Variants in HYAL2 observed in about 807,000 individuals in gnomAD.
The protein encoded by HYAL2 is hyaluronidase-2.
Under a neutral mutation model 35.4 loss-of-function variants are expected in HYAL2, and 30 were observed. The ratio of observed to expected loss-of-function variants is 0.85; its 90% CI spans 0.63 to 1.15. HYAL2 has a LOEUF of 1.15. HYAL2 is among the 50% of genes most tolerant of loss of function. The probability of loss-of-function intolerance (pLI) is 0.00; values close to 1 mark genes in which losing one functional copy is unlikely to be tolerated. For missense variants in HYAL2, 635 were observed against 646.5 expected (o/e 0.98, Z 0.19); for synonymous variants, 262 against 252.8 (o/e 1.04, Z -0.34).
Position 50,318,913 on chromosome 3 carries a change from T to A in HYAL2, c.1011+43A>T. ...GGTAGCCAAAGGCCCTAACTCTCTGTCTGTCCCATAGACTGAGCTCTGGCA... is the reference window on the plus strand; with the variant it reads ...GGTAGCCAAAGGCCCTAACTCTCTGACTGTCCCATAGACTGAGCTCTGGCA... On this transcript the variant is annotated intron_variant, in intron 3 of 3. Coordinates refer to ENST00000357750, the MANE Select transcript of HYAL2 (RefSeq NM_003773.5). The surrounding 1 kb of genome is among the most constrained non-coding windows in gnomAD (Gnocchi z 4.5). 1 of 1,547,670 alleles carries A rather than the reference T, an allele frequency of 6.5e-7. No individual in the cohort carries two copies. The highest frequency in any genetic ancestry group is 1.4e-5 in the African/African-American group (1 of 73,688).
At position 50,322,410 on chromosome 3, in the gene HYAL2, G is replaced by A; in HGVS notation, c.-47+243C>T. On this transcript the variant is annotated intron_variant, in intron 1 of 3. Coordinates refer to ENST00000357750, the MANE Select transcript of HYAL2 (RefSeq NM_003773.5). The surrounding 1 kb of genome is among the most constrained non-coding windows in gnomAD (Gnocchi z 5.5). ...AGGGGTCTCCCAGGGCCTCCATCCC[G>A]TATCCAGCGCCCCCTACGCTCCACA... The A allele has an allele frequency of 6.6e-6, 1 of 152,126 alleles. No homozygotes were observed. The highest frequency in any genetic ancestry group is 1.5e-5 in the Non-Finnish European group (1 of 68,114). The allele number at this position is 152,126 out of a possible 1,614,324, so 9.4% of individuals were successfully genotyped here.
Position 50,322,402 on chromosome 3 carries a change from T to A in HYAL2, c.-47+251A>T, listed in dbSNP as rs587678265. The stretch of plus-strand genomic sequence containing the variant: ...CCAGCAAGAGGGGTCTCCCAGGGCC[T>A]CCATCCCGTATCCAGCGCCCCCTAC... On this transcript the variant is annotated intron_variant, in intron 1 of 3. Transcript: ENST00000357750. The surrounding 1 kb of genome is among the most constrained non-coding windows in gnomAD (Gnocchi z 5.5). 6.6e-6 allele frequency: 1 copy of A among 150,722 alleles called. No homozygotes were observed. The highest frequency in any genetic ancestry group is 1.5e-5 in the Non-Finnish European group (1 of 67,826). The allele number at this position is 150,722 out of a possible 1,614,324, so 9.3% of individuals were successfully genotyped here. A position where few individuals can be genotyped will look rare whatever the true frequency, so the allele number is the denominator to read the frequency against.
chr3:50,319,832 A>T lies in HYAL2; in HGVS notation c.658T>A (p.Trp220Arg). Residue 220 changes from tryptophan (W) to arginine (R), a missense_variant, in exon 2 of 4, where the codon TGG (tryptophan) becomes AGG (arginine). Trp to Arg is a moderately radical substitution (Grantham distance 101, BLOSUM62 -3). Coordinates refer to ENST00000357750, the MANE Select transcript of HYAL2 (RefSeq NM_003773.5). ...DCYNHDYVQN[W>R]ESYTGRCPDV... ...GGGCAGCGGCCTGTGTAGCTCTCCC[A>T]GTTCTGCACATAATCATGATTGTAG... is the stretch of plus-strand genomic sequence containing the variant. 2 of 1,613,672 alleles carry T rather than the reference A, an allele frequency of 1.2e-6. No individual in the cohort carries two copies. The highest frequency in any genetic ancestry group is 1.7e-6 in the Non-Finnish European group (2 of 1,179,996).
rs142709766 is a variant in HYAL2 at position 50,320,192 on chromosome 3, C to T, written c.298G>A (p.Val100Met). ...DSAGRSVHGG[V>M]PQNVSLWAHR... is the part of the protein sequence containing the mutation. ...GCCCAAAGGCTGACATTCTGTGGCA[C>T]ACCACCATGCACAGACCTTCCGGCA... Residue 100 changes from valine (V) to methionine (M), a missense_variant, in exon 2 of 4, where the codon GTG (valine) becomes ATG (methionine). Transcript: ENST00000357750. The surrounding 1 kb of genome is among the most constrained non-coding windows in gnomAD (Gnocchi z 4.8). The T allele has an allele frequency of 1.2e-6, 2 of 1,613,958 alleles. No individual in the cohort carries two copies. Among genetic ancestry groups the T allele is most frequent in the East Asian group, 2.2e-5 (1 of 44,892 alleles).
In HYAL2 at chr3:50,320,262, G is replaced by T; in HGVS notation, c.228C>A (p.Thr76=). ...PNEGFVNQNI[T]IFYRDRLGLY... The stretch of plus-strand genomic sequence containing the variant: ...GGCCTAGACGGTCGCGGTAGAAGAT[G>T]GTAATATTCTGGTTCACAAAACCCT... Residue 76 remains threonine, a synonymous_variant, in exon 2 of 4, where the codon ACC becomes ACA. Coordinates refer to ENST00000357750, the MANE Select transcript of HYAL2 (RefSeq NM_003773.5). The surrounding 1 kb of genome is among the most constrained non-coding windows in gnomAD (Gnocchi z 4.8). The T allele has an allele frequency of 6.2e-7, 1 of 1,614,058 alleles. No homozygotes were observed. Among genetic ancestry groups the T allele is most frequent in the Non-Finnish European group, 8.5e-7 (1 of 1,180,024 alleles).
intron 2 of HYAL2, 96 bp downstream of exon 2, chr3:50,319,473 A>G (rs1318602326): frequency 9.5e-7 from 1 of 1,053,434 alleles, no homozygotes; most frequent in Non-Finnish European, 1.4e-6. Flanking sequence ...GCAGCCAATA[A>G]ACTACAGGTA....
chr3:50,318,336 G>A lies in HYAL2; in HGVS notation c.1215C>T (p.Pro405=). 1 of 1,613,484 alleles carries A rather than the reference G, an allele frequency of 6.2e-7. No individual in the cohort carries two copies. The highest frequency in any genetic ancestry group is 8.5e-7 in the Non-Finnish European group (1 of 1,180,034). ...RLVPGHAPGE[P]QLRPVGELSW... is the part of the protein sequence containing the mutation. ...TGAGCTCCCCCACAGGTCGCAGCTG[G>A]GGTTCACCAGGTGCATGGCCAGGCA... The change falls in exon 4 of 4, where the codon CCC becomes CCT. Residue 405 remains proline (P), a synonymous_variant. Coordinates refer to ENST00000357750, the MANE Select transcript of HYAL2 (RefSeq NM_003773.5). The surrounding 1 kb of genome is among the most constrained non-coding windows in gnomAD (Gnocchi z 4.5).
rs782445301 is a variant in HYAL2, at chr3:50,318,500, G to A, written c.1051C>T (p.Leu351=). Residue 351 remains leucine (L), a synonymous_variant, in exon 4 of 4, where the codon CTG becomes TTG. Coordinates refer to ENST00000357750, the MANE Select transcript of HYAL2 (RefSeq NM_003773.5). This position sits in a 1 kb window ranked among gnomAD's most constrained non-coding sequence, Gnocchi z 4.5. ...QYLKDYLTRL[L]VPYVVNVSWA... The stretch of plus-strand genomic sequence containing the variant: ...GACACATTGACCACGTAGGGGACCA[G>A]CAGCCGTGTCAGGTAATCTTTGAGG... 6.2e-7 allele frequency: 1 copy of A among 1,610,414 alleles called. No individual in the cohort carries two copies.
At chr3:50,321,666 C>G (rs990520383) in intron 1 of HYAL2, 3 of 152,168 alleles carry the variant, frequency 2.0e-5, no homozygotes, top group Admixed American at 2.0e-4. Flanking sequence ...CCCTCTGAGC[C>G]GGGCTTTCTA....
chr3:50,319,759 T>C lies in HYAL2; in HGVS notation c.731A>G (p.Glu244Gly). 6.2e-7 allele frequency: 1 copy of C among 1,613,758 alleles called. No individual in the cohort carries two copies. Among genetic ancestry groups the C allele is most frequent in the Non-Finnish European group, 8.5e-7 (1 of 1,180,036 alleles). ...GACAGACGGGAAGAGGGCCGTGCTC[T>C]CAGCCCACAGCCAGGCCAGCTGGTC... ...RNDQLAWLWAESTALFPSVYL... is the reference protein window; with the variant it reads ...RNDQLAWLWAGSTALFPSVYL... The change falls in exon 2 of 4, where the codon GAG becomes GGG. Residue 244 changes from glutamate to glycine, a missense_variant. Glu to Gly is a moderately conservative substitution (Grantham distance 98). Transcript: ENST00000357750.
rs782567680 is a variant in HYAL2 at position 50,320,412 on chromosome 3, T to C, written c.78A>G (p.Thr26=). ...GCCGGCCAGTGAAGATGGGTGGTGC[T>C]GTGGGCTTGAGCTCCATGGCCCATG... ...AVSWAMELKP[T]APPIFTGRPF... Residue 26 remains threonine (T), a synonymous_variant, in exon 2 of 4, where the codon ACA becomes ACG. Coordinates refer to ENST00000357750, the MANE Select transcript of HYAL2 (RefSeq NM_003773.5). This position sits in a 1 kb window ranked among gnomAD's most constrained non-coding sequence, Gnocchi z 4.8. 4.4e-6 allele frequency: 7 copies of C among 1,606,918 alleles called. No individual in the cohort carries two copies. The highest frequency in any genetic ancestry group is 6.0e-6 in the Non-Finnish European group (7 of 1,175,966).
In HYAL2 at chr3:50,320,237, G is replaced by A. The variant is rs782734183; in HGVS notation, c.253C>T (p.Leu85=). The A allele has an allele frequency of 6.8e-6, 11 of 1,614,036 alleles. 1 individual carries two copies. In the South Asian group the frequency reaches 9.9e-5, roughly 14 times the overall value. ...CCGGCAGAATCGAAGCGTGGATACA[G>A]GCCTAGACGGTCGCGGTAGAAGATG... ...ITIFYRDRLG[L]YPRFDSAGRS... The change falls in exon 2 of 4, where the codon CTG becomes TTG. Residue 85 remains leucine (L), a synonymous_variant. Coordinates refer to ENST00000357750, the MANE Select transcript of HYAL2 (RefSeq NM_003773.5). The surrounding 1 kb of genome is among the most constrained non-coding windows in gnomAD (Gnocchi z 4.8).
In HYAL2 at chr3:50,318,890, T is replaced by A. The variant is rs587768394; in HGVS notation, c.1011+66A>T. 1 of 1,399,352 alleles carries A rather than the reference T, an allele frequency of 7.1e-7. No individual in the cohort carries two copies. 86.7% of individuals were successfully genotyped at this position (1,399,352 alleles called of 1,614,324 possible). Reference sequence around the variant, plus strand: ...ACTAGGATTGCCCACCTGAGGTTGGTAGCCAAAGGCCCTAACTCTCTGTCT... The same window carrying A: ...ACTAGGATTGCCCACCTGAGGTTGGAAGCCAAAGGCCCTAACTCTCTGTCT... On this transcript the variant is annotated intron_variant, in intron 3 of 3. Transcript: ENST00000357750. The surrounding 1 kb of genome is among the most constrained non-coding windows in gnomAD (Gnocchi z 4.5).
Position 50,318,076 on chromosome 3 carries a change from A to G in HYAL2, c.*53T>C. 1 of 1,515,820 alleles carries G rather than the reference A, an allele frequency of 6.6e-7. No homozygotes were observed. Among genetic ancestry groups the G allele is most frequent in the Non-Finnish European group, 8.8e-7 (1 of 1,130,554 alleles). 93.9% of individuals were successfully genotyped at this position (1,515,820 alleles called of 1,614,324 possible). A position where few individuals can be genotyped will look rare whatever the true frequency, so the allele number is the denominator to read the frequency against. ...ACCCCCTGCAGGGTCCTACATGCCT[A>G]AGAGAGCCCTTGTGGTAGAGGCCAG... On this transcript the variant is annotated 3_prime_UTR_variant, in exon 4 of 4. Transcript: ENST00000357750. The surrounding 1 kb of genome is among the most constrained non-coding windows in gnomAD (Gnocchi z 4.5).
At chr3:50,321,702 T>G (rs1222467914) in intron 1 of HYAL2, 1 of 151,526 alleles carries the variant, frequency 6.6e-6, no homozygotes, top group Non-Finnish European at 1.5e-5. Flanking sequence ...CGAGCGCCAG[T>G]CAGCCTGAAA....
chr3:50,321,490 ACGCTGGCC>A (rs1390346512), intron 1 of HYAL2: 3 of 151,966 alleles, frequency 2.0e-5, no homozygotes, highest in African/African-American at 7.3e-5. Context: ...GCCCCCAGGC[ACGCTGGCC>A]CTTTAAGACT....
Position 50,318,035 on chromosome 3 carries a change from A to C in HYAL2, c.*94T>G, listed in dbSNP as rs895139240. 2.2e-5 allele frequency: 31 copies of C among 1,379,686 alleles called. No homozygotes were observed. The highest frequency in any genetic ancestry group is 4.7e-5 in the Admixed American group (2 of 42,876). The allele number at this position is 1,379,686 out of a possible 1,614,324, so 85.5% of individuals were successfully genotyped here. A position where few individuals can be genotyped will look rare whatever the true frequency, so the allele number is the denominator to read the frequency against. ...GCTTCCTGGGGGCTCTGCCCACTCC[A>C]GACTCCAGTTTGTCCACCCCCTGCA... On this transcript the variant is annotated 3_prime_UTR_variant, in exon 4 of 4. Coordinates refer to ENST00000357750, the MANE Select transcript of HYAL2 (RefSeq NM_003773.5). This position sits in a 1 kb window ranked among gnomAD's most constrained non-coding sequence, Gnocchi z 4.5.
chr3:50,318,401 T>G lies in HYAL2; in HGVS notation c.1150A>C (p.Ser384Arg). The change falls in exon 4 of 4, where the codon AGT becomes CGT. Residue 384 changes from serine (S) to arginine (R), a missense_variant. By Grantham distance (110) the Ser-to-Arg change is moderately radical. Coordinates refer to ENST00000357750, the MANE Select transcript of HYAL2 (RefSeq NM_003773.5). This position sits in a 1 kb window ranked among gnomAD's most constrained non-coding sequence, Gnocchi z 4.5. ...GRCVRRNPSA[S>R]TFLHLSTNSF... ...TTGGTGCTGAGATGCAGGAAGGTAC[T>G]GGCACTGGGGTTGCGGCGCACACAG... The G allele has an allele frequency of 6.2e-7, 1 of 1,613,316 alleles. No homozygotes were observed. Among genetic ancestry groups the G allele is most frequent in the African/African-American group, 1.3e-5 (1 of 75,072 alleles).
At position 50,318,691 on chromosome 3, in the gene HYAL2, T is replaced by A; in HGVS notation, c.1012-152A>T. ...TGCACCTGAGCCACACAGTCCCTGCTCCTGCTGAGAAGTGGGTGGGGGTAC... is the reference window on the plus strand; with the variant it reads ...TGCACCTGAGCCACACAGTCCCTGCACCTGCTGAGAAGTGGGTGGGGGTAC... On this transcript the variant is annotated intron_variant, in intron 3 of 3. Coordinates refer to ENST00000357750, the MANE Select transcript of HYAL2 (RefSeq NM_003773.5). This position sits in a 1 kb window ranked among gnomAD's most constrained non-coding sequence, Gnocchi z 4.5. The A allele has an allele frequency of 1.2e-6, 1 of 817,626 alleles. No individual in the cohort carries two copies. Among genetic ancestry groups the A allele is most frequent in the Non-Finnish European group, 1.9e-6 (1 of 528,784 alleles). The allele number at this position is 817,626 out of a possible 1,614,324, so 50.6% of individuals were successfully genotyped here.
Sources: gnomAD v4.1 joint callset for allele counts on GRCh38, gnomAD v4.1.1 for gene constraint, Gnocchi (gnomAD v3.1) non-coding constraint, MANE v1.5 for transcripts, NCBI Gene and HGNC (gene_info 2026-07-23, HGNC 2026-07-21) for gene names.